Variants in RO60 observed in about 807,000 individuals in gnomAD.
RO60 encodes RNA-binding protein RO60.
In RO60, 20 loss-of-function variants were observed where a neutral mutation model predicts 55.3. That is an observed-to-expected ratio of 0.36 (90% CI 0.25 to 0.53). The LOEUF (loss-of-function observed/expected upper bound fraction) is 0.53, where lower values mean the gene tolerates loss of function less well. Ranked by LOEUF, RO60 falls within the 20% of genes least tolerant of loss-of-function variation. The pLI is 0.92. For synonymous variants in RO60, 213 were observed against 213.6 expected, an observed-to-expected ratio of 1.00 and a Z score of 0.02; for missense variants, 558 against 646.6, an observed-to-expected ratio of 0.86 and a Z score of 1.49.
intron 1 of RO60, among the ~76,000 whole-genome samples, chr1:193,067,184 C>A (rs796839068): frequency 3.9e-5 from 5 of 129,078 alleles, no homozygotes; most frequent in Non-Finnish European, 6.7e-5. Flanking sequence ...TTTTTTCTTT[C>A]TTTTTTTTTT....
chr1:193,069,551 T>C lies in RO60; in HGVS notation c.497T>C (p.Leu166Pro). Reference sequence around the variant, plus strand: ...GAGAAAGGTGGCATGGCCCTTGCTCTGGCAGTTACAAAATATAAACAGAGA... The same window carrying C: ...GAGAAAGGTGGCATGGCCCTTGCTCCGGCAGTTACAAAATATAAACAGAGA... ...YNEKGGMALALAVTKYKQRNG... is the reference protein window; with the variant it reads ...YNEKGGMALAPAVTKYKQRNG... The change falls in exon 2 of 9, where the codon CTG (leucine) becomes CCG (proline). Residue 166 changes from leucine (L) to proline (P), a missense_variant. Physicochemically the swap from Leu to Pro is moderately conservative, Grantham distance 98 (BLOSUM62 -3). Transcript: ENST00000400968. 1 of 1,614,212 alleles carries C rather than the reference T, an allele frequency of 6.2e-7. No individual in the cohort carries two copies. Among genetic ancestry groups the C allele is most frequent in the Non-Finnish European group, 8.5e-7 (1 of 1,180,034 alleles).
chr1:193,064,299 A>G (rs1302510957), intron 1 of RO60, among the ~76,000 whole-genome samples: 2 of 152,186 alleles, frequency 1.3e-5, no homozygotes, highest in Non-Finnish European at 2.9e-5. Flanking sequence ...CTAAACATAT[A>G]GTTGGTCTTT....
At chr1:193,060,014 C>CT in intron 1 of RO60, 1 of 1,358,830 alleles carries the variant, frequency 7.4e-7, no homozygotes, top group Non-Finnish European at 9.8e-7. Context: ...AGGGTGGGCC[C>CT]TTTCCGAAGC....
intron 1 of RO60, among the ~76,000 whole-genome samples, chr1:193,061,431 T>C (rs1044234170): frequency 6.6e-6 from 1 of 152,210 alleles, no homozygotes; most frequent in Non-Finnish European, 1.5e-5. Context: ...CTTCTTGAGA[T>C]GAAAGGCAGC....
In RO60 at chr1:193,084,800, C is replaced by A; in HGVS notation, c.*69C>A. 1 of 1,560,202 alleles carries A rather than the reference C, an allele frequency of 6.4e-7. No homozygotes were observed. Among genetic ancestry groups the A allele is most frequent in the Non-Finnish European group, 8.6e-7 (1 of 1,156,792 alleles). The stretch of plus-strand genomic sequence containing the variant: ...TCTCACTAAAAATATACAGCTACTT[C>A]CCAGCTAATCTCCACCCAATGAATG... On this transcript the variant is annotated 3_prime_UTR_variant, in exon 9 of 9. Coordinates refer to ENST00000400968, the MANE Select transcript of RO60 (RefSeq NM_001173524.2).
At chr1:193,061,292 A>G (rs985658633) in intron 1 of RO60, among the ~76,000 whole-genome samples, 1 of 152,222 alleles carries the variant, frequency 6.6e-6, no homozygotes, top group Non-Finnish European at 1.5e-5. Context: ...AGATACCTGT[A>G]TCATGGGTAA....
At chr1:193,067,846 A>G (rs1673221878) in intron 1 of RO60, among the ~76,000 whole-genome samples, 1 of 152,172 alleles carries the variant, frequency 6.6e-6, no homozygotes, top group Non-Finnish European at 1.5e-5. Flanking sequence ...GGCTTAAACA[A>G]TAAGGATACA....
Position 193,082,267 on chromosome 1 carries a change from A to T in RO60, c.1285A>T (p.Thr429Ser). Residue 429 changes from threonine (T) to serine (S), a missense_variant, in exon 7 of 9, where the codon ACC becomes TCC. Physicochemically the swap from Thr to Ser is moderately conservative, Grantham distance 58. Coordinates refer to ENST00000400968, the MANE Select transcript of RO60 (RefSeq NM_001173524.2). ...ACCATGTCCAGTGACTACAGATATG[A>T]CCTTACAACAGGTTTTAATGGCTAT... is the stretch of plus-strand genomic sequence containing the variant. ...MVPCPVTTDM[T>S]LQQVLMAMSQ... 1 of 1,612,068 alleles carries T rather than the reference A, an allele frequency of 6.2e-7. No homozygotes were observed. Among genetic ancestry groups the T allele is most frequent in the South Asian group, 1.1e-5 (1 of 90,396 alleles).
In RO60 at chr1:193,085,268, C is replaced by T. The variant is rs1674574604; in HGVS notation, c.*537C>T. 1 of 1,111,068 alleles carries T rather than the reference C, an allele frequency of 9.0e-7. No homozygotes were observed. The highest frequency in any genetic ancestry group is 4.7e-5 in the Admixed American group (1 of 21,146). The allele number at this position is 1,111,068 out of a possible 1,614,324, so 68.8% of individuals were successfully genotyped here. A position where few individuals can be genotyped will look rare whatever the true frequency, so the allele number is the denominator to read the frequency against. On this transcript the variant is annotated 3_prime_UTR_variant, in exon 9 of 9. Coordinates refer to ENST00000400968, the MANE Select transcript of RO60 (RefSeq NM_001173524.2). ...AAATTATGAATGAGTTTTACAAATT[C>T]CTTTCAGAGTTTTACTAAGATCACA...
chr1:193,086,704 T>G lies in RO60; in HGVS notation c.*1973T>G, dbSNP rs978954414. The G allele has an allele frequency of 6.6e-6, 1 of 152,210 alleles. No homozygotes were observed. The highest frequency in any genetic ancestry group is 2.1e-4 in the South Asian group (1 of 4,830). 9.4% of individuals were successfully genotyped at this position (152,210 alleles called of 1,614,324 possible). A position where few individuals can be genotyped will look rare whatever the true frequency, so the allele number is the denominator to read the frequency against. The stretch of plus-strand genomic sequence containing the variant: ...TTTCCATAATACTTTTAGACAAATA[T>G]ATCTATAAGTTAATATTAAATCCAT... On this transcript the variant is annotated 3_prime_UTR_variant, in exon 9 of 9. Coordinates refer to ENST00000400968, the MANE Select transcript of RO60 (RefSeq NM_001173524.2).
In RO60 at chr1:193,059,762, G is replaced by T; in HGVS notation, c.-36G>T. On this transcript the variant is annotated 5_prime_UTR_variant, in exon 1 of 9. Coordinates refer to ENST00000400968, the MANE Select transcript of RO60 (RefSeq NM_001173524.2). This position sits in a 1 kb window ranked among gnomAD's most constrained non-coding sequence, Gnocchi z 4.9. ...GGCGGCGCTGCGGATCCAGGGGGTC[G>T]GCTGCCAGGTACAGGTGAGGACATT... 7.4e-7 allele frequency: 1 copy of T among 1,356,028 alleles called. No individual in the cohort carries two copies. The highest frequency in any genetic ancestry group is 9.8e-7 in the Non-Finnish European group (1 of 1,017,242). The allele number at this position is 1,356,028 out of a possible 1,614,324, so 84.0% of individuals were successfully genotyped here. A position where few individuals can be genotyped will look rare whatever the true frequency, so the allele number is the denominator to read the frequency against.
In RO60 at chr1:193,069,060, G is replaced by A. The variant is rs201813388; in HGVS notation, c.6G>A (p.Glu2=). ...TTTCCTAAAGACAAAAAAAAATGGA[G>A]GAATCTGTAAACCAAATGCAGCCAC... M[E]ESVNQMQPLN... is the part of the protein sequence containing the mutation. Residue 2 remains glutamate, a synonymous_variant, in exon 2 of 9, where the codon GAG becomes GAA. Transcript: ENST00000400968. 1 of 1,600,216 alleles carries A rather than the reference G, an allele frequency of 6.2e-7. No homozygotes were observed. The highest frequency in any genetic ancestry group is 2.2e-5 in the East Asian group (1 of 44,620).
chr1:193,070,830 G>A (rs1054980249), intron 2 of RO60, among the ~76,000 whole-genome samples: 1 of 152,040 alleles, frequency 6.6e-6, no homozygotes, highest in Admixed American at 6.5e-5. Context: ...TTTTTCAAAT[G>A]AAATGTAAAT....
rs1186028282 is a variant in RO60 at position 193,086,293 on chromosome 1, T to C, written c.*1562T>C. The C allele has an allele frequency of 1.3e-5, 2 of 152,780 alleles. No homozygotes were observed. Among genetic ancestry groups the C allele is most frequent in the East Asian group, 3.9e-4 (2 of 5,194 alleles). 9.5% of individuals were successfully genotyped at this position (152,780 alleles called of 1,614,324 possible). On this transcript the variant is annotated 3_prime_UTR_variant, in exon 9 of 9. Coordinates refer to ENST00000400968, the MANE Select transcript of RO60 (RefSeq NM_001173524.2). ...TAAGAAAATATTCCTTTCAAATTTATTTGACATATTAATGCTGGTTTTGAT... is the reference window on the plus strand; with the variant it reads ...TAAGAAAATATTCCTTTCAAATTTACTTGACATATTAATGCTGGTTTTGAT...
chr1:193,076,060 C>A lies in RO60; in HGVS notation c.801+20C>A. 1 of 1,529,054 alleles carries A rather than the reference C, an allele frequency of 6.5e-7. No individual in the cohort carries two copies. The highest frequency in any genetic ancestry group is 8.9e-7 in the Non-Finnish European group (1 of 1,118,022). The allele number at this position is 1,529,054 out of a possible 1,614,324, so 94.7% of individuals were successfully genotyped here. ...AAAGAGGTGAGTGAATTATATGTTA[C>A]AGCATGTGATTAAACATGAGTAATT... is the stretch of plus-strand genomic sequence containing the variant. On this transcript the variant is annotated intron_variant, in intron 3 of 8. Coordinates refer to ENST00000400968, the MANE Select transcript of RO60 (RefSeq NM_001173524.2).
At position 193,089,040 on chromosome 1, in the gene RO60, T is replaced by C. The variant is rs1173914443; in HGVS notation, c.*4309T>C. ...ACAAGTATAAGATCATATTTTCTTT[T>C]TCAACTTAGTAATAGGCAGGCTTCT... On this transcript the variant is annotated 3_prime_UTR_variant, in exon 9 of 9. Coordinates refer to ENST00000400968, the MANE Select transcript of RO60 (RefSeq NM_001173524.2). The C allele has an allele frequency of 5.9e-5, 9 of 152,190 alleles. No homozygotes were observed. The highest frequency in any genetic ancestry group is 5.9e-4 in the Admixed American group (9 of 15,274). 9.4% of individuals were successfully genotyped at this position (152,190 alleles called of 1,614,324 possible).
downstream of RO60, chr1:193,091,632 T>C: frequency 1.2e-6 from 2 of 1,602,720 alleles, no homozygotes; most frequent in Non-Finnish European, 1.7e-6. Context: ...TACTGTGAAA[T>C]CCTTTCTCTC....
In RO60 at chr1:193,086,523, ATTTAAAG is replaced by A. The variant is rs1288861782; in HGVS notation, c.*1800_*1806del. On this transcript the variant is annotated 3_prime_UTR_variant, in exon 9 of 9. Transcript: ENST00000400968. ...CATTAAAATATTACGTTCAGATTGA[ATTTAAAG>A]TTTAAAGAAACTAATAGAATTACGT... is the stretch of plus-strand genomic sequence containing the variant. The A allele has an allele frequency of 1.3e-5, 2 of 152,182 alleles. No homozygotes were observed. The highest frequency in any genetic ancestry group is 4.8e-5 in the African/African-American group (2 of 41,458). 9.4% of individuals were successfully genotyped at this position (152,182 alleles called of 1,614,324 possible). A position where few individuals can be genotyped will look rare whatever the true frequency, so the allele number is the denominator to read the frequency against.
At chr1:193,061,883 C>T (rs1413524313) in intron 1 of RO60, among the ~76,000 whole-genome samples, 1 of 151,584 alleles carries the variant, frequency 6.6e-6, no homozygotes, top group African/African-American at 2.4e-5. Flanking sequence ...ACTCAGGAGG[C>T]TGAGGCAGGA....
Sources: gnomAD v4.1 joint callset for allele counts (sites outside exome capture counted in the v4.1 genomes callset) on GRCh38, gnomAD v4.1.1 for gene constraint, Gnocchi (gnomAD v3.1) non-coding constraint, MANE v1.5 for transcripts, NCBI Gene and HGNC (gene_info 2026-07-23, HGNC 2026-07-21) for gene names.